The following MARCHF4 variants were observed in gnomAD, a reference collection of about 807,000 sequenced individuals.
MARCHF4 encodes membrane associated ring-CH-type finger 4.
In MARCHF4, 14 loss-of-function variants were observed where a neutral mutation model predicts 43.9. That is an observed-to-expected ratio of 0.32 (90% CI 0.21 to 0.50). The LOEUF (loss-of-function observed/expected upper bound fraction) is 0.50, where lower values mean the gene tolerates loss of function less well. Among genes scored for constraint, MARCHF4 ranks in the 20% least tolerant of loss-of-function variants. The pLI, the probability that MARCHF4 is intolerant of heterozygous loss-of-function variation, is 0.98. For synonymous variants in MARCHF4, 226 were observed against 213.3 expected, an observed-to-expected ratio of 1.06 and a Z score of -0.52; for missense variants, 468 against 536.7, an observed-to-expected ratio of 0.87 and a Z score of 1.27.
chr2:216,359,919 C>A lies in MARCHF4; in HGVS notation c.516+9826G>T, dbSNP rs948708836. Among the ~76,000 whole-genome samples, 10 of 152,162 alleles carry A rather than the reference C, an allele frequency of 6.6e-5. No individual in the cohort carries two copies. In the East Asian group the frequency reaches 1.9e-3, roughly 29 times the overall value. The stretch of plus-strand genomic sequence containing the variant: ...AACTTGCACTTTTGATTATATCATA[C>A]CCTCCCAATTAACTCTCCTCTCCTC... On this transcript the variant is annotated intron_variant, in intron 1 of 3. Transcript: ENST00000273067.
intron 1 of MARCHF4, among the ~76,000 whole-genome samples, chr2:216,289,462 C>T (rs1353523784): frequency 6.6e-6 from 1 of 152,174 alleles, no homozygotes; most frequent in Non-Finnish European, 1.5e-5. Context: ...GGGTCTGTCC[C>T]AACTAGAAAC....
chr2:216,358,819 C>T (rs1194458767), intron 1 of MARCHF4, among the ~76,000 whole-genome samples: 2 of 152,170 alleles, frequency 1.3e-5, no homozygotes, highest in Non-Finnish European at 2.9e-5. Context: ...TGCAGCCAGG[C>T]ATTTGTAGGC....
At chr2:216,318,538 G>A (rs1000292510) in intron 1 of MARCHF4, among the ~76,000 whole-genome samples, 4 of 152,314 alleles carry the variant, frequency 2.6e-5, no homozygotes, top group African/African-American at 9.6e-5. Flanking sequence ...AAAGCCTTAG[G>A]TGATGAAATT....
At chr2:216,362,767 C>G (rs975674812) in intron 1 of MARCHF4, among the ~76,000 whole-genome samples, 11 of 152,170 alleles carry the variant, frequency 7.2e-5, no homozygotes, top group African/African-American at 2.7e-4. Context: ...GACAGTCAGC[C>G]CTGGGTACAC....
At chr2:216,305,725 T>C (rs1202111951) in intron 1 of MARCHF4, among the ~76,000 whole-genome samples, 1 of 152,200 alleles carries the variant, frequency 6.6e-6, no homozygotes, top group Non-Finnish European at 1.5e-5. Flanking sequence ...CTAATCAGAC[T>C]GGTTTTTATC....
At chr2:216,368,934 C>T (rs986068417) in intron 1 of MARCHF4, among the ~76,000 whole-genome samples, 4 of 152,034 alleles carry the variant, frequency 2.6e-5, no homozygotes, top group South Asian at 4.1e-4. Context: ...GGAAAACCTG[C>T]CAGACTTGGA....
intron 1 of MARCHF4, among the ~76,000 whole-genome samples, chr2:216,325,049 T>C (rs1340172283): frequency 6.6e-6 from 1 of 152,176 alleles, no homozygotes; most frequent in Non-Finnish European, 1.5e-5. Flanking sequence ...ACGACATGAC[T>C]GTATATCTAG....
At chr2:216,268,508 A>C (rs1690881496) in intron 3 of MARCHF4, among the ~76,000 whole-genome samples, 1 of 152,182 alleles carries the variant, frequency 6.6e-6, no homozygotes, top group Admixed American at 6.5e-5. Flanking sequence ...TTCCTCCTTC[A>C]TTCTTCTCTC....
intron 1 of MARCHF4, chr2:216,318,024 C>A (rs768921918): frequency 6.6e-6 from 1 of 152,248 alleles, no homozygotes; most frequent in Admixed American, 6.5e-5. Context: ...ATCTTAGATA[C>A]AAGCTGTGGA....
At chr2:216,328,193 C>T (rs949398679) in intron 1 of MARCHF4, among the ~76,000 whole-genome samples, 5 of 152,016 alleles carry the variant, frequency 3.3e-5, no homozygotes, top group Non-Finnish European at 7.4e-5. Flanking sequence ...TTTTTTGAGA[C>T]GGAGTCTCGC....
chr2:216,285,888 A>T (rs1691211098), intron 1 of MARCHF4, among the ~76,000 whole-genome samples: 1 of 152,234 alleles, frequency 6.6e-6, no homozygotes, highest in Admixed American at 6.5e-5. Context: ...ATCAGGTAAG[A>T]GACATTACTT....
intron 1 of MARCHF4, among the ~76,000 whole-genome samples, chr2:216,298,667 T>A (rs957279255): frequency 4.6e-5 from 7 of 152,202 alleles, no homozygotes; most frequent in Non-Finnish European, 1.0e-4. Flanking sequence ...TCTTAAAATA[T>A]CTTAAAAATA....
chr2:216,354,956 TTTC>T (rs1692472503), intron 1 of MARCHF4, among the ~76,000 whole-genome samples: 5 of 145,878 alleles, frequency 3.4e-5, no homozygotes, highest in Non-Finnish European at 7.4e-5. Context: ...TCTTTCTTTC[TTTC>T]TTTCTTTCTT....
intron 1 of MARCHF4, among the ~76,000 whole-genome samples, chr2:216,351,107 G>T (rs1692398486): frequency 6.6e-6 from 1 of 152,132 alleles, no homozygotes; most frequent in Non-Finnish European, 1.5e-5. Flanking sequence ...TATTTCTGGA[G>T]CATAATAGCT....
chr2:216,276,084 G>T (rs1246878829), intron 3 of MARCHF4, among the ~76,000 whole-genome samples: 5 of 152,196 alleles, frequency 3.3e-5, no homozygotes, highest in African/African-American at 1.2e-4. Context: ...CTGTGGAATT[G>T]TTTGTTACTG....
intron 1 of MARCHF4, among the ~76,000 whole-genome samples, chr2:216,289,233 A>AC (rs199838607): frequency 0.11 from 11,238 of 100,506 alleles, 445 homozygotes; most frequent in African/African-American, 0.15. Context: ...TTTCTTCCCC[A>AC]CCCGCCCCCC....
intron 1 of MARCHF4, among the ~76,000 whole-genome samples, chr2:216,297,193 T>C (rs1049233484): frequency 3.9e-5 from 6 of 152,184 alleles, no homozygotes; most frequent in Non-Finnish European, 8.8e-5. Flanking sequence ...AATTTTATTT[T>C]CTGTTTCAAA....
intron 1 of MARCHF4, among the ~76,000 whole-genome samples, chr2:216,332,920 T>A (rs1361930683): frequency 6.6e-6 from 1 of 152,184 alleles, no homozygotes; most frequent in Non-Finnish European, 1.5e-5. Flanking sequence ...GAGGGAAAGT[T>A]AGTCTTCTTA....
intron 3 of MARCHF4, among the ~76,000 whole-genome samples, chr2:216,264,313 G>T (rs756788015): frequency 5.5e-4 from 84 of 152,298 alleles, no homozygotes; most frequent in South Asian, 2.9e-3. Flanking sequence ...AACTGTCCTT[G>T]TACTAAATCT....
Sources: gnomAD v4.1 joint callset for allele counts (sites outside exome capture counted in the v4.1 genomes callset) on GRCh38, gnomAD v4.1.1 for gene constraint, MANE v1.5 for transcripts, NCBI Gene and HGNC (gene_info 2026-07-23, HGNC 2026-07-21) for gene names.